DEPDC5: variants seen among roughly 807,000 people sequenced by gnomAD.
DEPDC5 encodes the protein GATOR1 complex protein DEPDC5.
DEPDC5 carries 73 observed loss-of-function variants against 217.3 expected under a neutral mutation model. The observed-to-expected ratio is 0.34, with a 90% confidence interval of 0.28 to 0.41. The LOEUF is 0.41. Among genes scored for constraint, DEPDC5 ranks in the 10% least tolerant of loss-of-function variants. The pLI is 1.00. For missense variants in DEPDC5, 1,675 were observed against 2,070.1 expected (o/e 0.81, Z 3.70); for synonymous variants, 733 against 756.7 (o/e 0.97, Z 0.51).
intron 14 of DEPDC5, among the ~76,000 whole-genome samples, chr22:31,799,342 CT>C (rs111494517): frequency 0.14 from 20,243 of 143,870 alleles, 1,437 homozygotes; most frequent in African/African-American, 0.18. Context: ...AGCACCTGGC[CT>C]TTTTTTTTTT....
intron 10 of DEPDC5, among the ~76,000 whole-genome samples, chr22:31,786,030 G>T (rs1473452586): frequency 6.6e-6 from 1 of 152,088 alleles, no homozygotes; most frequent in African/African-American, 2.4e-5. Flanking sequence ...ACTTTGGGAG[G>T]CCGAGGTGGG....
rs201454490 is a variant in DEPDC5, at chr22:31,776,112, G to GT, written c.414-1980dup. On this transcript the variant is annotated intron_variant, in intron 7 of 42. Transcript: ENST00000651528. ...CTTCATTGTCTCTTTTGTTTTGTTT[G>GT]TTTTTTTGTTTTGTTTTTTGCAATA... Among the ~76,000 whole-genome samples, 66 of 147,732 alleles carry GT rather than the reference G, an allele frequency of 4.5e-4. No homozygotes were observed. The East Asian group carries it at 0.012, about 28-fold the overall frequency.
chr22:31,905,385 G>A lies in DEPDC5; in HGVS notation c.4437-599G>A, dbSNP rs568015194. Among the ~76,000 whole-genome samples, 29 of 151,448 alleles carry A rather than the reference G, an allele frequency of 1.9e-4. No individual in the cohort carries two copies. The South Asian group carries it at 5.1e-3, about 26-fold the overall frequency. ...TCCCAGCTACTCAGGAGACTGAGGC[G>A]GAGAATCACTTGAACCCAGGAGGCA... On this transcript the variant is annotated intron_variant, in intron 41 of 42. Coordinates refer to ENST00000651528, the MANE Select transcript of DEPDC5 (RefSeq NM_001242896.3).
intron 38 of DEPDC5, among the ~76,000 whole-genome samples, chr22:31,882,250 G>C (rs534784259): frequency 1.6e-4 from 24 of 152,178 alleles, no homozygotes; most frequent in Admixed American, 4.6e-4. Flanking sequence ...TAAAAATTAA[G>C]AATTTTCATC....
At chr22:31,826,095 C>T (rs2090126714) in intron 24 of DEPDC5, among the ~76,000 whole-genome samples, 1 of 152,062 alleles carries the variant, frequency 6.6e-6, no homozygotes, top group African/African-American at 2.4e-5. Flanking sequence ...CAACCTCTGC[C>T]TCCCGGGTTC....
intron 4 of DEPDC5, among the ~76,000 whole-genome samples, chr22:31,762,631 C>T (rs56271396): frequency 4.6e-5 from 7 of 152,048 alleles, no homozygotes; most frequent in African/African-American, 1.4e-4. Context: ...GGCATTGTGG[C>T]GCATGCCTGT....
chr22:31,904,387 C>T (rs2093719368), intron 41 of DEPDC5, among the ~76,000 whole-genome samples: 1 of 152,110 alleles, frequency 6.6e-6, no homozygotes, highest in Admixed American at 6.6e-5. Context: ...AAAAAAATTA[C>T]TCTGGTAAAA....
intron 32 of DEPDC5, chr22:31,858,398 C>T (rs1344055692): frequency 6.6e-6 from 1 of 152,212 alleles, no homozygotes; most frequent in Non-Finnish European, 1.5e-5. Context: ...TTGGCTCTGT[C>T]AGCTCCTTCT....
intron 31 of DEPDC5, among the ~76,000 whole-genome samples, chr22:31,854,348 G>A (rs756584876): frequency 1.3e-5 from 2 of 152,216 alleles, no homozygotes; most frequent in Non-Finnish European, 2.9e-5. Context: ...CACTGGGGAT[G>A]CAAGAATCTC....
At chr22:31,846,162 A>G (rs889353225) in intron 30 of DEPDC5, among the ~76,000 whole-genome samples, 2 of 152,104 alleles carry the variant, frequency 1.3e-5, no homozygotes, top group African/African-American at 4.8e-5. Flanking sequence ...ATCCCTGGCA[A>G]CCACTGGTGT....
intron 24 of DEPDC5, among the ~76,000 whole-genome samples, chr22:31,827,716 A>G (rs985834417): frequency 1.3e-5 from 2 of 151,898 alleles, no homozygotes; most frequent in Non-Finnish European, 2.9e-5. Flanking sequence ...TCTCCCTCTC[A>G]TTTCACTCTG....
At chr22:31,827,681 T>TA (rs143700251) in intron 24 of DEPDC5, among the ~76,000 whole-genome samples, 5,243 of 152,310 alleles carry the variant, frequency 0.034, 147 homozygotes, top group African/African-American at 0.073. Context: ...GGCTGCTTGT[T>TA]ACGCTCAGTC....
chr22:31,850,194 G>A (rs146570843), intron 31 of DEPDC5, among the ~76,000 whole-genome samples: 2,196 of 151,996 alleles, frequency 0.014, 18 homozygotes, highest in Middle Eastern at 0.031. Flanking sequence ...TGTATAGATT[G>A]TATATGAATT....
intron 29 of DEPDC5, chr22:31,844,793 A>C: frequency 2.0e-6 from 1 of 494,242 alleles, no homozygotes; most frequent in South Asian, 2.5e-5. Context: ...GAGTTCAAGC[A>C]ATCCTCCTGC....
intron 39 of DEPDC5, among the ~76,000 whole-genome samples, chr22:31,895,225 G>A (rs1229201034): frequency 1.3e-5 from 2 of 151,646 alleles, no homozygotes; most frequent in African/African-American, 4.8e-5. Flanking sequence ...GTAGAGACCA[G>A]CAAAGCTGCT....
chr22:31,764,996 C>T lies in DEPDC5; in HGVS notation c.215C>T (p.Thr72Ile). 6.2e-7 allele frequency: 1 copy of T among 1,613,966 alleles called. No homozygotes were observed. Among genetic ancestry groups the T allele is most frequent in the Non-Finnish European group, 8.5e-7 (1 of 1,179,844 alleles). The change falls in exon 5 of 43, where the codon ACT becomes ATT. Residue 72 changes from threonine (T) to isoleucine (I), a missense_variant. By Grantham distance (89) the Thr-to-Ile change is moderately conservative. This residue lies in a region of DEPDC5 where 628 missense variants were observed against 762.1 expected (regional missense o/e 0.82). Coordinates refer to ENST00000651528, the MANE Select transcript of DEPDC5 (RefSeq NM_001242896.3). ...TTAGAAACTATCAGTGTGGACCAGA[C>T]TGTGACTCAAGTGTTCCGGCTGAGA... ...LQKETISVDQ[T>I]VTQVFRLRPY...
chr22:31,877,820 CAA>C (rs2093047850), intron 37 of DEPDC5, among the ~76,000 whole-genome samples: 1 of 148,384 alleles, frequency 6.7e-6, no homozygotes, highest in African/African-American at 2.5e-5. Context: ...ACACCTATAG[CAA>C]AAGGGGACCT....
chr22:31,851,740 CA>C (rs1248275499), intron 31 of DEPDC5, among the ~76,000 whole-genome samples: 2 of 152,218 alleles, frequency 1.3e-5, no homozygotes, highest in Non-Finnish European at 2.9e-5. Context: ...GTCATGCCCG[CA>C]GGAACCTGCA....
chr22:31,875,093 A>T (rs532282604), intron 36 of DEPDC5: 2 of 159,890 alleles, frequency 1.3e-5, no homozygotes, highest in Admixed American at 1.3e-4. Context: ...GGAGGCCCCA[A>T]CTGGAAGTCA....
Sources: gnomAD v4.1 joint callset for allele counts (sites outside exome capture counted in the v4.1 genomes callset) on GRCh38, gnomAD v4.1.1 for gene constraint, gnomAD v4.1.1 regional missense constraint, MANE v1.5 for transcripts, NCBI Gene and HGNC (gene_info 2026-07-23, HGNC 2026-07-21) for gene names.